Variants in SPG7 observed in about 807,000 individuals in gnomAD.
SPG7 encodes SPG7 matrix AAA peptidase subunit, paraplegin.
SPG7 carries 103 observed loss-of-function variants against 81.9 expected under a neutral mutation model. The ratio of observed to expected loss-of-function variants is 1.26; its 90% CI spans 1.07 to 1.48. The LOEUF (loss-of-function observed/expected upper bound fraction) is 1.48, where lower values mean the gene tolerates loss of function less well. Ranked by LOEUF, SPG7 falls within the 40% of genes most tolerant of loss-of-function variation. The pLI, the probability that SPG7 is intolerant of heterozygous loss-of-function variation, is 0.00. For synonymous variants in SPG7, 534 were observed against 444.2 expected, an observed-to-expected ratio of 1.20 and a Z score of -2.54; for missense variants, 1,241 against 1,087.3, an observed-to-expected ratio of 1.14 and a Z score of -1.99.
chr16:89,548,176 A>T, intron 12 of SPG7, 63 bp downstream of exon 12: 3 of 1,168,064 alleles, frequency 2.6e-6, no homozygotes, highest in Non-Finnish European at 3.8e-6. Flanking sequence ...AGAAATACCC[A>T]GGCAGGTATT....
intron 9 of SPG7, chr16:89,540,099 C>A (rs1176915175): frequency 2.0e-5 from 3 of 152,420 alleles, no homozygotes; most frequent in African/African-American, 7.2e-5. Flanking sequence ...GTCTGTCCTT[C>A]CGCACACAAC....
At chr16:89,537,411 G>A (rs1418405925) in intron 9 of SPG7, 1 of 1,053,312 alleles carries the variant, frequency 9.5e-7, no homozygotes, top group Non-Finnish European at 1.1e-6. Flanking sequence ...GGGAGCTGCG[G>A]AAGCCCAGCG....
intron 3 of SPG7, 136 bp from the exon 4 acceptor site, chr16:89,523,870 T>C: frequency 9.0e-7 from 1 of 1,106,330 alleles, no homozygotes; most frequent in South Asian, 1.3e-5. Flanking sequence ...AGGGAAGAAT[T>C]GGAGGAAGTG....
At chr16:89,535,345 T>C (rs1325392457) in intron 9 of SPG7, among the ~76,000 whole-genome samples, 1 of 152,190 alleles carries the variant, frequency 6.6e-6, no homozygotes, top group East Asian at 1.9e-4. Flanking sequence ...TCAGGTAGAC[T>C]GATGCCCACA....
Position 89,546,778 on chromosome 16 carries a change from A to T in SPG7, c.1552+18A>T. The T allele has an allele frequency of 1.3e-6, 2 of 1,548,954 alleles. No homozygotes were observed. The highest frequency in any genetic ancestry group is 1.8e-6 in the Non-Finnish European group (2 of 1,120,360). On this transcript the variant is annotated intron_variant, in intron 11 of 16. Coordinates refer to ENST00000645818, the MANE Select transcript of SPG7 (RefSeq NM_003119.4). ...ATTCAGTGGTACGTTCTCAACCCGCAGCCTGGGCAGCGTCACGTCCTGAGG... is the reference window on the plus strand; with the variant it reads ...ATTCAGTGGTACGTTCTCAACCCGCTGCCTGGGCAGCGTCACGTCCTGAGG...
At chr16:89,554,419 T>G in intron 15 of SPG7, 67 bp from the exon 16 acceptor site, 1 of 1,111,938 alleles carries the variant, frequency 9.0e-7, no homozygotes, top group Admixed American at 1.8e-5. Flanking sequence ...TGCCATTTCT[T>G]TTCTGTGCTT....
chr16:89,549,828 A>T (rs2058612169), intron 12 of SPG7: 1 of 166,296 alleles, frequency 6.0e-6, no homozygotes, highest in Admixed American at 5.5e-5. Flanking sequence ...GCCTCTGCCC[A>T]TCCTGCCAGG....
intron 12 of SPG7, chr16:89,549,449 A>G: frequency 2.8e-6 from 1 of 359,976 alleles, no homozygotes; most frequent in Non-Finnish European, 5.5e-6. Context: ...GCTTGAGGCC[A>G]GGAGTTTGAG....
intron 3 of SPG7, among the ~76,000 whole-genome samples, chr16:89,515,480 A>T (rs2058083377): frequency 7.0e-6 from 1 of 143,598 alleles, no homozygotes; most frequent in African/African-American, 2.6e-5. Context: ...TGTTGGCCAG[A>T]CTGGTCTTGA....
chr16:89,515,535 G>C (rs2058084015), intron 3 of SPG7, among the ~76,000 whole-genome samples: 2 of 150,648 alleles, frequency 1.3e-5, no homozygotes, highest in South Asian at 4.2e-4. Context: ...CCAAAGTGCT[G>C]GGATTACAGG....
At chr16:89,516,833 C>A (rs2058103377) in intron 3 of SPG7, 1 of 151,490 alleles carries the variant, frequency 6.6e-6, no homozygotes, top group Non-Finnish European at 1.5e-5. Flanking sequence ...CCACTGCACT[C>A]CAGCCTGGGC....
chr16:89,513,778 G>A (rs1253149840), intron 3 of SPG7, among the ~76,000 whole-genome samples: 4 of 152,166 alleles, frequency 2.6e-5, no homozygotes, highest in Admixed American at 6.5e-5. Context: ...TGGACGCCCT[G>A]CTCAGCAGAG....
chr16:89,526,270 G>C (rs949153954), intron 4 of SPG7, 59 bp from the exon 5 acceptor site: 3 of 1,606,540 alleles, frequency 1.9e-6, no homozygotes, highest in African/African-American at 1.3e-5. Context: ...TCTGTTGACT[G>C]TAGGGTTGCT....
At position 89,508,493 on chromosome 16, in the gene SPG7, G is replaced by T. The variant is rs763721899; in HGVS notation, c.76G>T (p.Gly26Cys). ...GGGTCCTCGGCCGCTGTGGGGCCCA[G>T]GCCCGGCCTGGAGTCCAGGGTTCCC... Reference protein sequence around the residue: ...GPGPRPLWGPGPAWSPGFPAR... With the variant: ...GPGPRPLWGPCPAWSPGFPAR... The change falls in exon 1 of 17, where the codon GGC (glycine) becomes TGC (cysteine). Residue 26 changes from glycine to cysteine, a missense_variant. Coordinates refer to ENST00000645818, the MANE Select transcript of SPG7 (RefSeq NM_003119.4). 2.1e-5 allele frequency: 32 copies of T among 1,511,348 alleles called. No homozygotes were observed. The African/African-American group carries it at 3.5e-4, about 16-fold the overall frequency. The allele number at this position is 1,511,348 out of a possible 1,614,324, so 93.6% of individuals were successfully genotyped here.
chr16:89,526,551 C>CA (rs1418309877), intron 5 of SPG7, 83 bp downstream of exon 5: 6 of 1,530,046 alleles, frequency 3.9e-6, no homozygotes, highest in Non-Finnish European at 5.4e-6. Context: ...TCAAAAATCT[C>CA]AAACTGTCTT....
intron 16 of SPG7, chr16:89,556,564 G>C (rs565971599): frequency 1.2e-5 from 5 of 408,388 alleles, no homozygotes; most frequent in Admixed American, 3.8e-5. Context: ...AATCAGGAGG[G>C]TTCAGCATTT....
At position 89,544,643 on chromosome 16, in the gene SPG7, C is replaced by T. The variant is rs1484580805; in HGVS notation, c.1325-5C>T. On this transcript the variant is annotated splice_polypyrimidine_tract_variant and splice_region_variant and intron_variant, in intron 9 of 16. Transcript: ENST00000645818. Reference sequence around the variant, plus strand: ...TCAGAGCCACTGTCTGCTCTGTCCCCTCAGGAATGGGTACCACAGACCATG... The same window carrying T: ...TCAGAGCCACTGTCTGCTCTGTCCCTTCAGGAATGGGTACCACAGACCATG... 2 of 1,613,864 alleles carry T rather than the reference C, an allele frequency of 1.2e-6. No homozygotes were observed. Among genetic ancestry groups the T allele is most frequent in the Admixed American group, 3.3e-5 (2 of 59,996 alleles).
chr16:89,528,479 A>C lies in SPG7; in HGVS notation c.759-998A>C, dbSNP rs531620558. The stretch of plus-strand genomic sequence containing the variant: ...GTAGGCCGATGATGTACAGAACAGA[A>C]GATGGAGGGTTGGGGCAGGCCCATT... On this transcript the variant is annotated intron_variant, in intron 5 of 16. Coordinates refer to ENST00000645818, the MANE Select transcript of SPG7 (RefSeq NM_003119.4). Among the ~76,000 whole-genome samples the C allele has an allele frequency of 1.3e-4, 19 of 151,568 alleles. No individual in the cohort carries two copies. The South Asian group carries it at 2.1e-3, about 17-fold the overall frequency.
At chr16:89,511,010 GT>G (rs2058014469) in intron 2 of SPG7, among the ~76,000 whole-genome samples, 1 of 152,076 alleles carries the variant, frequency 6.6e-6, no homozygotes, top group Non-Finnish European at 1.5e-5. Flanking sequence ...TTTTTGGGGG[GT>G]ATTTTTTGTG....
Sources: gnomAD v4.1 joint callset for allele counts (sites outside exome capture counted in the v4.1 genomes callset) on GRCh38, gnomAD v4.1.1 for gene constraint, MANE v1.5 for transcripts, NCBI Gene and HGNC (gene_info 2026-07-23, HGNC 2026-07-21) for gene names.